LRRC7: variants seen among roughly 807,000 people sequenced by gnomAD.
LRRC7 encodes the protein leucine rich repeat containing 7.
Under a neutral mutation model 175.7 loss-of-function variants are expected in LRRC7, and 23 were observed. The ratio of observed to expected loss-of-function variants is 0.13; its 90% CI spans 0.09 to 0.19. LRRC7 has a LOEUF of 0.19. Among genes scored for constraint, LRRC7 ranks in the 10% least tolerant of loss-of-function variants. LRRC7 has a pLI of 1.00. For synonymous variants in LRRC7, 685 were observed against 680.9 expected (o/e 1.01, Z -0.09); for missense variants, 1,354 against 1,904.7 (o/e 0.71, Z 5.38).
intron 1 of LRRC7, among the ~76,000 whole-genome samples, chr1:69,610,270 T>C (rs565127291): frequency 6.6e-6 from 1 of 152,206 alleles, no homozygotes; most frequent in East Asian, 1.9e-4. Flanking sequence ...CCTTTTCTCC[T>C]GTGAACTGAT....
chr1:69,798,659 A>T (rs2101086341), intron 4 of LRRC7, among the ~76,000 whole-genome samples: 1 of 152,306 alleles, frequency 6.6e-6, no homozygotes, highest in Non-Finnish European at 1.5e-5. Flanking sequence ...ATTAGTAAAT[A>T]AAAGGTTAGA....
intron 1 of LRRC7, among the ~76,000 whole-genome samples, chr1:69,617,284 C>G (rs775511253): frequency 6.6e-6 from 1 of 151,806 alleles, no homozygotes; most frequent in Non-Finnish European, 1.5e-5. Context: ...TAATGCAAAT[C>G]GAGTCAAATG....
At chr1:70,111,407 A>G (rs1665518683) in intron 26 of LRRC7, among the ~76,000 whole-genome samples, 1 of 152,202 alleles carries the variant, frequency 6.6e-6, no homozygotes, top group Non-Finnish European at 1.5e-5. Context: ...TGGCATATGG[A>G]AAGAGCAACT....
intron 7 of LRRC7, among the ~76,000 whole-genome samples, chr1:69,887,907 G>T (rs1453951054): frequency 1.4e-5 from 2 of 146,828 alleles, no homozygotes; most frequent in Non-Finnish European, 1.5e-5. Flanking sequence ...CCTGCTGGGG[G>T]GTGCCTCTCA....
intron 1 of LRRC7, among the ~76,000 whole-genome samples, chr1:69,628,482 A>G (rs941203243): frequency 1.3e-5 from 2 of 152,196 alleles, no homozygotes; most frequent in Admixed American, 6.5e-5. Context: ...TCAAATAACT[A>G]AGTAAACTCA....
At chr1:69,992,725 A>G (rs1025377507) in intron 10 of LRRC7, among the ~76,000 whole-genome samples, 3 of 152,182 alleles carry the variant, frequency 2.0e-5, no homozygotes, top group African/African-American at 7.2e-5. Context: ...CTTTAAAGAT[A>G]TTGAAAAAGA....
intron 8 of LRRC7, among the ~76,000 whole-genome samples, chr1:69,967,293 A>C (rs956221353): frequency 1.3e-5 from 2 of 152,104 alleles, no homozygotes; most frequent in Non-Finnish European, 2.9e-5. Flanking sequence ...AGCCACAGCA[A>C]GACCTGCCCA....
chr1:69,692,899 A>G (rs574903766), intron 2 of LRRC7, among the ~76,000 whole-genome samples: 174 of 152,304 alleles, frequency 1.1e-3, no homozygotes, highest in Non-Finnish European at 2.0e-3. Flanking sequence ...TAAAGCAGGC[A>G]GCCCTCCCTA....
chr1:69,606,652 G>C (rs1467470581), intron 1 of LRRC7, among the ~76,000 whole-genome samples: 1 of 151,894 alleles, frequency 6.6e-6, no homozygotes, highest in African/African-American at 2.4e-5. Flanking sequence ...TTTATTAAAG[G>C]CTTAAGGTAA....
At chr1:69,597,781 C>T (rs1034749920) in intron 1 of LRRC7, among the ~76,000 whole-genome samples, 2 of 152,158 alleles carry the variant, frequency 1.3e-5, no homozygotes, top group Non-Finnish European at 2.9e-5. Flanking sequence ...TGGCCATTTA[C>T]GTGTAACTTC....
Position 69,886,058 on chromosome 1 carries a change from A to AGGTGT in LRRC7, c.648-45439_648-45435dup, listed in dbSNP as rs1438759853. 6.1e-4 allele frequency among the ~76,000 whole-genome samples: 91 copies of AGGTGT among 149,976 alleles called. 1 individual carries two copies. Among genetic ancestry groups the AGGTGT allele is most frequent in the African/African-American group, 2.1e-3 (84 of 40,696 alleles). On this transcript the variant is annotated intron_variant, in intron 7 of 26. Coordinates refer to ENST00000651989, the MANE Select transcript of LRRC7 (RefSeq NM_001370785.2). ...CCAAGTATGTGGTCAATTTTGGAAT[A>AGGTGT]GGTGTGGTGTGGTGCTGAAAAAAAT...
At chr1:70,032,435 A>G (rs944123836) in intron 18 of LRRC7, among the ~76,000 whole-genome samples, 1 of 152,024 alleles carries the variant, frequency 6.6e-6, no homozygotes, top group African/African-American at 2.4e-5. Flanking sequence ...GGTAACACCT[A>G]TTTATATACA....
At chr1:69,775,264 G>T (rs1286835550) in intron 3 of LRRC7, among the ~76,000 whole-genome samples, 1 of 152,146 alleles carries the variant, frequency 6.6e-6, no homozygotes, top group Non-Finnish European at 1.5e-5. Flanking sequence ...TTCAATTTCT[G>T]CTATCTGTTC....
chr1:69,907,827 G>C (rs1646373308), intron 7 of LRRC7, among the ~76,000 whole-genome samples: 1 of 152,094 alleles, frequency 6.6e-6, no homozygotes, highest in African/African-American at 2.4e-5. Context: ...AATAGTTTCA[G>C]AAGGAATGGT....
intron 7 of LRRC7, among the ~76,000 whole-genome samples, chr1:69,877,845 G>A (rs779513162): frequency 1.3e-5 from 2 of 152,046 alleles, no homozygotes; most frequent in Non-Finnish European, 2.9e-5. Context: ...AACCTGTAGT[G>A]AGGTTTCTGC....
intron 8 of LRRC7, among the ~76,000 whole-genome samples, chr1:69,934,508 G>T (rs1000076095): frequency 8.2e-5 from 8 of 97,922 alleles, no homozygotes; most frequent in East Asian, 8.0e-4. Context: ...GGGGGGGCGG[G>T]GGGTGGGGGG....
At chr1:70,100,305 C>T (rs1664720675) in intron 25 of LRRC7, among the ~76,000 whole-genome samples, 1 of 152,026 alleles carries the variant, frequency 6.6e-6, no homozygotes, top group Non-Finnish European at 1.5e-5. Context: ...GAATAAATTG[C>T]TTATTTTTGG....
chr1:69,747,164 C>T (rs562966226), intron 2 of LRRC7, among the ~76,000 whole-genome samples: 1 of 152,090 alleles, frequency 6.6e-6, no homozygotes, highest in Admixed American at 6.6e-5. Context: ...GAGGTAGTGA[C>T]GTTTAGGACT....
At chr1:69,947,275 G>A (rs1649439693) in intron 8 of LRRC7, among the ~76,000 whole-genome samples, 1 of 151,968 alleles carries the variant, frequency 6.6e-6, no homozygotes, top group East Asian at 1.9e-4. Context: ...TGATGGAGAA[G>A]GACTTAGTAT....
Sources: gnomAD v4.1 joint callset for allele counts (sites outside exome capture counted in the v4.1 genomes callset) on GRCh38, gnomAD v4.1.1 for gene constraint, MANE v1.5 for transcripts, NCBI Gene and HGNC (gene_info 2026-07-23, HGNC 2026-07-21) for gene names.